ANKRD17: variants seen among roughly 807,000 people sequenced by gnomAD.
The protein encoded by ANKRD17 is ankyrin repeat domain 17.
Under a neutral mutation model 229.7 loss-of-function variants are expected in ANKRD17, and 19 were observed. The ratio of observed to expected loss-of-function variants is 0.08; its 90% CI spans 0.06 to 0.12. The LOEUF (loss-of-function observed/expected upper bound fraction) is 0.12, where lower values mean the gene tolerates loss of function less well. Among genes scored for constraint, ANKRD17 ranks in the 10% least tolerant of loss-of-function variants. The pLI is 1.00. For missense variants in ANKRD17, 2,176 were observed against 3,176.8 expected, an observed-to-expected ratio of 0.68 and a Z score of 7.57; for synonymous variants, 1,112 against 1,146.1, an observed-to-expected ratio of 0.97 and a Z score of 0.60.
At chr4:73,082,462 C>G (rs1206559761) in intron 30 of ANKRD17, among the ~76,000 whole-genome samples, 1 of 152,078 alleles carries the variant, frequency 6.6e-6, no homozygotes, top group Non-Finnish European at 1.5e-5. Flanking sequence ...CTGCTGCATT[C>G]CAGCCTGGGT....
chr4:73,078,465 G>C (rs1040895274), intron 31 of ANKRD17, among the ~76,000 whole-genome samples, 177 bp downstream of exon 31: 20 of 152,092 alleles, frequency 1.3e-4, no homozygotes, highest in Non-Finnish European at 2.6e-4. Flanking sequence ...TTGAACCGGG[G>C]AGGTGGAGGT....
chr4:73,132,144 C>T (rs542548935), intron 16 of ANKRD17, among the ~76,000 whole-genome samples: 5 of 148,122 alleles, frequency 3.4e-5, no homozygotes, highest in Non-Finnish European at 7.4e-5. Flanking sequence ...TTCACTCTGT[C>T]GCCCAGGCTG....
rs1722846124 is a variant in ANKRD17, at chr4:73,092,056, A to C, written c.5572T>G (p.Ser1858Ala). The change falls in exon 29 of 34, where the codon TCT becomes GCT. Residue 1858 changes from serine (S) to alanine (A), a missense_variant. Ser to Ala is a moderately conservative substitution (Grantham distance 99). Transcript: ENST00000358602. ...ATGGTTTTGTGAGTGGATGCAGAAGAAATTGCAGGCACAGTGAGTGCTGTG... is the reference window on the plus strand; with the variant it reads ...ATGGTTTTGTGAGTGGATGCAGAAGCAATTGCAGGCACAGTGAGTGCTGTG... The part of the protein sequence containing the change: ...TATALTVPAI[S>A]SASTHKTIKN... The C allele has an allele frequency of 6.2e-7, 1 of 1,614,108 alleles. No homozygotes were observed. Among genetic ancestry groups the C allele is most frequent in the African/African-American group, 1.3e-5 (1 of 74,928 alleles).
At chr4:73,225,476 A>G (rs570509667) in intron 1 of ANKRD17, among the ~76,000 whole-genome samples, 8 of 152,266 alleles carry the variant, frequency 5.3e-5, no homozygotes, top group African/African-American at 1.9e-4. Flanking sequence ...ATATGTGATT[A>G]TGGCTTTCTC....
At chr4:73,187,506 A>G (rs1736455519) in intron 1 of ANKRD17, among the ~76,000 whole-genome samples, 1 of 152,216 alleles carries the variant, frequency 6.6e-6, no homozygotes, top group Non-Finnish European at 1.5e-5. Context: ...GTTAGAGTAT[A>G]TGCCATAAAT....
At chr4:73,134,745 TTA>T (rs551978862) in intron 16 of ANKRD17, among the ~76,000 whole-genome samples, 7 of 152,212 alleles carry the variant, frequency 4.6e-5, no homozygotes, top group Non-Finnish European at 1.0e-4. Context: ...AAATATAATT[TTA>T]TGTTAGAACC....
intron 3 of ANKRD17, among the ~76,000 whole-genome samples, chr4:73,158,266 C>T (rs1036313807): frequency 6.6e-6 from 1 of 152,198 alleles, no homozygotes; most frequent in Non-Finnish European, 1.5e-5. Flanking sequence ...ATCTCACTCA[C>T]AGTAAAAGCT....
At chr4:73,129,034 T>C (rs1407266815) in intron 16 of ANKRD17, among the ~76,000 whole-genome samples, 1 of 152,178 alleles carries the variant, frequency 6.6e-6, no homozygotes, top group Non-Finnish European at 1.5e-5. Flanking sequence ...CAAATTATAT[T>C]GCACAAAGTT....
At chr4:73,153,306 TAA>T (rs1456545024) in intron 6 of ANKRD17, among the ~76,000 whole-genome samples, 1 of 151,662 alleles carries the variant, frequency 6.6e-6, no homozygotes, top group Non-Finnish European at 1.5e-5. Flanking sequence ...TGACTTTTTT[TAA>T]TAAAAAACTT....
intron 1 of ANKRD17, among the ~76,000 whole-genome samples, chr4:73,218,626 G>C (rs1741420264): frequency 7.3e-6 from 1 of 137,424 alleles, no homozygotes; most frequent in Non-Finnish European, 1.5e-5. Flanking sequence ...CTGGGTGACA[G>C]AGTGAGACTC....
intron 2 of ANKRD17, among the ~76,000 whole-genome samples, chr4:73,171,200 AGAGAGAGAGAGAGAGAGAGAGACT>A (rs1733976009): frequency 6.6e-6 from 1 of 151,234 alleles, no homozygotes; most frequent in African/African-American, 2.4e-5. Context: ...AGAGAGAGAG[AGAGAGAGAGAGAGAGAGAGAGACT>A]GAGACTCCAT....
chr4:73,235,974 G>C (rs1743470092), intron 1 of ANKRD17, among the ~76,000 whole-genome samples: 1 of 151,980 alleles, frequency 6.6e-6, no homozygotes, highest in Admixed American at 6.6e-5. Context: ...AAAGTACTGG[G>C]ATTACAGGCA....
At chr4:73,150,929 C>G (rs1305341592) in intron 7 of ANKRD17, among the ~76,000 whole-genome samples, 1 of 152,000 alleles carries the variant, frequency 6.6e-6, no homozygotes, top group Non-Finnish European at 1.5e-5. Flanking sequence ...AAATTAGGCC[C>G]TACTTTTAAA....
At position 73,237,358 on chromosome 4, in the gene ANKRD17, A is replaced by C. The variant is rs549331021; in HGVS notation, c.393+20918T>G. Among the ~76,000 whole-genome samples, 3 of 152,326 alleles carry C rather than the reference A, an allele frequency of 2.0e-5. No individual in the cohort carries two copies. In the South Asian group the frequency reaches 6.2e-4, roughly 32 times the overall value. ...ACAAAAGGATCTGGTGATTAAGCTA[A>C]AGTAGGTTAAGAACTCCCTCATATG... On this transcript the variant is annotated intron_variant, in intron 1 of 33. Coordinates refer to ENST00000358602, the MANE Select transcript of ANKRD17 (RefSeq NM_032217.5).
At chr4:73,120,099 A>G in intron 21 of ANKRD17, 63 bp downstream of exon 21, 2 of 1,498,230 alleles carry the variant, frequency 1.3e-6, no homozygotes, top group Non-Finnish European at 1.9e-6. Flanking sequence ...TTAATTGCCT[A>G]GAGAGAATGA....
At chr4:73,214,939 A>G (rs1334660683) in intron 1 of ANKRD17, among the ~76,000 whole-genome samples, 1 of 151,946 alleles carries the variant, frequency 6.6e-6, no homozygotes, top group Non-Finnish European at 1.5e-5. Flanking sequence ...GTGATAAAAC[A>G]GAAAGCACTT....
chr4:73,208,188 C>CAAAAA (rs36126530), intron 1 of ANKRD17, among the ~76,000 whole-genome samples: 6 of 67,942 alleles, frequency 8.8e-5, no homozygotes, highest in Admixed American at 8.1e-4. Flanking sequence ...GACTCCGTCT[C>CAAAAA]AAAAAAAAAA....
intron 24 of ANKRD17, among the ~76,000 whole-genome samples, chr4:73,111,752 AG>A (rs1352950761): frequency 6.6e-6 from 1 of 152,218 alleles, no homozygotes; most frequent in African/African-American, 2.4e-5. Flanking sequence ...GGGGAAAGCA[AG>A]TATTAGAGTA....
intron 23 of ANKRD17, among the ~76,000 whole-genome samples, chr4:73,114,869 T>C (rs929763508): frequency 1.4e-4 from 22 of 152,188 alleles, no homozygotes; most frequent in African/African-American, 5.1e-4. Context: ...CCTCTTTGGT[T>C]TTCAGAGGCA....
Sources: gnomAD v4.1 joint callset for allele counts (sites outside exome capture counted in the v4.1 genomes callset) on GRCh38, gnomAD v4.1.1 for gene constraint, MANE v1.5 for transcripts, NCBI Gene and HGNC (gene_info 2026-07-23, HGNC 2026-07-21) for gene names.